PPP1R14C: variants seen among roughly 807,000 people sequenced by gnomAD.
PPP1R14C encodes the protein protein phosphatase 1 regulatory subunit 14C.
Under a neutral mutation model 20.4 loss-of-function variants are expected in PPP1R14C, and 16 were observed. That is an observed-to-expected ratio of 0.78 (90% CI 0.53 to 1.19). The LOEUF (loss-of-function observed/expected upper bound fraction) is 1.19. Among genes scored for constraint, PPP1R14C ranks in the 50% most tolerant of loss-of-function variants. The pLI is 0.00. For missense variants in PPP1R14C, 211 were observed against 220.1 expected (o/e 0.96, Z 0.26); for synonymous variants, 91 against 91.0 (o/e 1.00, Z 0.00).
intron 1 of PPP1R14C, among the ~76,000 whole-genome samples, chr6:150,183,046 G>T (rs1239688984): frequency 1.3e-5 from 2 of 152,166 alleles, no homozygotes; most frequent in Non-Finnish European, 2.9e-5. Context: ...TGTATATGTG[G>T]TCCACTGTTG....
At position 150,143,092 on chromosome 6, in the gene PPP1R14C, A is replaced by T. The variant is rs1327678809; in HGVS notation, c.-101A>T. Reference sequence around the variant, plus strand: ...GCGCGGCGCAGAGCAGGTGCCGGGGAGCCCTTCGCATGCGGCTGCCGGGCC... The same window carrying T: ...GCGCGGCGCAGAGCAGGTGCCGGGGTGCCCTTCGCATGCGGCTGCCGGGCC... On this transcript the variant is annotated 5_prime_UTR_variant, in exon 1 of 4. Transcript: ENST00000361131. The surrounding 1 kb of genome is among the most constrained non-coding windows in gnomAD (Gnocchi z 5.6). 24 of 1,129,046 alleles carry T rather than the reference A, an allele frequency of 2.1e-5. No individual in the cohort carries two copies. Among genetic ancestry groups the T allele is most frequent in the Non-Finnish European group, 2.6e-5 (24 of 927,098 alleles). The allele number at this position is 1,129,046 out of a possible 1,614,324, so 69.9% of individuals were successfully genotyped here.
intron 1 of PPP1R14C, among the ~76,000 whole-genome samples, chr6:150,152,441 C>G (rs1777259772): frequency 6.6e-6 from 1 of 152,194 alleles, no homozygotes; most frequent in South Asian, 2.1e-4. Flanking sequence ...GCAGGAGCCC[C>G]TTAGCACGTG....
intron 1 of PPP1R14C, among the ~76,000 whole-genome samples, chr6:150,204,363 G>GT (rs1254159674): frequency 6.6e-6 from 1 of 152,166 alleles, no homozygotes; most frequent in Non-Finnish European, 1.5e-5. Flanking sequence ...CTGCATCTGG[G>GT]TTTTTTTGCT....
chr6:150,248,883 A>C lies in PPP1R14C; in HGVS notation c.*63A>C, dbSNP rs1413019619. 3.6e-6 allele frequency: 4 copies of C among 1,116,890 alleles called. No homozygotes were observed. In the Admixed American group the frequency reaches 8.4e-5, roughly 24 times the overall value. The allele number at this position is 1,116,890 out of a possible 1,614,324, so 69.2% of individuals were successfully genotyped here. A position where few individuals can be genotyped will look rare whatever the true frequency, so the allele number is the denominator to read the frequency against. On this transcript the variant is annotated 3_prime_UTR_variant, in exon 4 of 4. Coordinates refer to ENST00000361131, the MANE Select transcript of PPP1R14C (RefSeq NM_030949.3). Reference sequence around the variant, plus strand: ...AGAGTCCTGGGATTTGTACTTCATGAAGACTTTTGTGAAAGAATAGGTGTC... The same window carrying C: ...AGAGTCCTGGGATTTGTACTTCATGCAGACTTTTGTGAAAGAATAGGTGTC...
intron 1 of PPP1R14C, among the ~76,000 whole-genome samples, chr6:150,166,812 A>G (rs971735040): frequency 6.6e-6 from 1 of 152,180 alleles, no homozygotes; most frequent in African/African-American, 2.4e-5. Context: ...AGTTAATATC[A>G]TGTCCAATTT....
chr6:150,226,092 A>AT (rs140042246), intron 3 of PPP1R14C, among the ~76,000 whole-genome samples: 19,293 of 151,400 alleles, frequency 0.13, 1,369 homozygotes, highest in African/African-American at 0.16. Flanking sequence ...ATTCATATTC[A>AT]TTCCCCCCCC....
chr6:150,226,381 A>G (rs1427663280), intron 3 of PPP1R14C, among the ~76,000 whole-genome samples: 2 of 152,226 alleles, frequency 1.3e-5, no homozygotes, highest in Admixed American at 1.3e-4. Context: ...TTGTATTTGC[A>G]TGATCAGTAG....
chr6:150,181,269 C>A (rs1392957578), intron 1 of PPP1R14C, among the ~76,000 whole-genome samples: 1 of 152,064 alleles, frequency 6.6e-6, no homozygotes, highest in Non-Finnish European at 1.5e-5. Context: ...CTCCACCTCT[C>A]GGGTTTAAGA....
intron 1 of PPP1R14C, among the ~76,000 whole-genome samples, chr6:150,162,905 A>G (rs1777386021): frequency 6.6e-6 from 1 of 152,142 alleles, no homozygotes; most frequent in African/African-American, 2.4e-5. Flanking sequence ...GGCTTCTTTG[A>G]GGAAGTTCAT....
chr6:150,156,024 CAAAAAA>C (rs67908012), intron 1 of PPP1R14C, among the ~76,000 whole-genome samples: 8 of 38,418 alleles, frequency 2.1e-4, no homozygotes, highest in African/African-American at 7.9e-4. Context: ...GACTCTGTCT[CAAAAAA>C]AAAAAAAAAA....
intron 1 of PPP1R14C, among the ~76,000 whole-genome samples, chr6:150,167,884 C>T (rs1777441348): frequency 9.4e-6 from 1 of 106,552 alleles, no homozygotes; most frequent in African/African-American, 3.6e-5. Flanking sequence ...ATATAGAACC[C>T]TTGTTTTCCT....
intron 1 of PPP1R14C, among the ~76,000 whole-genome samples, chr6:150,149,443 ATTTTTTTTTTTC>A (rs1362315212): frequency 0.081 from 9,675 of 119,064 alleles, 438 homozygotes; most frequent in African/African-American, 0.14. Flanking sequence ...CTCCCACCTA[ATTTTTTTTTTTC>A]TTTTTTTTTT....
chr6:150,186,735 T>G (rs1777681298), intron 1 of PPP1R14C, among the ~76,000 whole-genome samples: 1 of 151,978 alleles, frequency 6.6e-6, no homozygotes, highest in South Asian at 2.1e-4. Context: ...GACCAGTAGG[T>G]GGCTGACTCA....
At chr6:150,236,643 G>GTGTGTGTGTGTGTGCGCGCA (rs1562276974) in intron 3 of PPP1R14C, among the ~76,000 whole-genome samples, 2 of 150,528 alleles carry the variant, frequency 1.3e-5, no homozygotes, top group Non-Finnish European at 3.0e-5. Context: ...GTGTGTGCGC[G>GTGTGTGTGTGTGTGCGCGCA]TGTGTGTGTT....
chr6:150,209,841 TTG>T (rs148237324), intron 1 of PPP1R14C, among the ~76,000 whole-genome samples: 22,765 of 143,624 alleles, frequency 0.16, 1,945 homozygotes, highest in African/African-American at 0.25. Context: ...GTGTATATAT[TTG>T]TGTGTGTGTG....
chr6:150,209,488 TCA>T (rs1313400107), intron 1 of PPP1R14C, among the ~76,000 whole-genome samples: 2 of 151,976 alleles, frequency 1.3e-5, no homozygotes, highest in African/African-American at 4.8e-5. Context: ...ATGGGTGTAT[TCA>T]TGTGTGTGTA....
intron 1 of PPP1R14C, among the ~76,000 whole-genome samples, chr6:150,183,719 G>A (rs889358902): frequency 1.3e-5 from 2 of 152,018 alleles, no homozygotes; most frequent in African/African-American, 4.8e-5. Context: ...CACCACCTTG[G>A]CCAGGCTGGT....
Position 150,248,897 on chromosome 6 carries a change from A to G in PPP1R14C, c.*77A>G. The G allele has an allele frequency of 1.1e-6, 1 of 888,410 alleles. No individual in the cohort carries two copies. Among genetic ancestry groups the G allele is most frequent in the Admixed American group, 2.4e-5 (1 of 41,426 alleles). The allele number at this position is 888,410 out of a possible 1,614,324, so 55.0% of individuals were successfully genotyped here. A position where few individuals can be genotyped will look rare whatever the true frequency, so the allele number is the denominator to read the frequency against. ...TGTACTTCATGAAGACTTTTGTGAAAGAATAGGTGTCCTTATGAACAACGT... is the reference window on the plus strand; with the variant it reads ...TGTACTTCATGAAGACTTTTGTGAAGGAATAGGTGTCCTTATGAACAACGT... On this transcript the variant is annotated 3_prime_UTR_variant, in exon 4 of 4. Coordinates refer to ENST00000361131, the MANE Select transcript of PPP1R14C (RefSeq NM_030949.3).
In PPP1R14C at chr6:150,249,811, C is replaced by T; in HGVS notation, c.*991C>T. The T allele has an allele frequency of 5.8e-6, 2 of 346,918 alleles. No homozygotes were observed. Among genetic ancestry groups the T allele is most frequent in the Non-Finnish European group, 1.0e-5 (2 of 193,856 alleles). The allele number at this position is 346,918 out of a possible 1,614,324, so 21.5% of individuals were successfully genotyped here. A position where few individuals can be genotyped will look rare whatever the true frequency, so the allele number is the denominator to read the frequency against. On this transcript the variant is annotated 3_prime_UTR_variant, in exon 4 of 4. Transcript: ENST00000361131. Reference sequence around the variant, plus strand: ...GCTTCTGTGCCTGGGTAGTATCAGACCAGTGGGAGTAAACCGAGTGTTAAG... The same window carrying T: ...GCTTCTGTGCCTGGGTAGTATCAGATCAGTGGGAGTAAACCGAGTGTTAAG...
Sources: gnomAD v4.1 joint callset for allele counts (sites outside exome capture counted in the v4.1 genomes callset) on GRCh38, gnomAD v4.1.1 for gene constraint, Gnocchi (gnomAD v3.1) non-coding constraint, MANE v1.5 for transcripts, NCBI Gene and HGNC (gene_info 2026-07-23, HGNC 2026-07-21) for gene names.